The following EPCAM variants were observed in gnomAD, a reference collection of about 807,000 sequenced individuals.
EPCAM encodes adenocarcinoma-associated antigen.
EPCAM carries 39 observed loss-of-function variants against 40.0 expected under a neutral mutation model. That is an observed-to-expected ratio of 0.98 (90% confidence interval 0.76 to 1.27). The LOEUF is 1.27. Among genes scored for constraint, EPCAM ranks in the 50% most tolerant of loss-of-function variants. The pLI is 0.00. For synonymous variants in EPCAM, 168 were observed against 132.3 expected, an observed-to-expected ratio of 1.27 and a Z score of -1.85; for missense variants, 503 against 381.2, an observed-to-expected ratio of 1.32 and a Z score of -2.66.
In EPCAM at chr2:47,379,604, C is replaced by T. The variant is rs191046709; in HGVS notation, c.658-165C>T. 4.8e-4 allele frequency among the ~76,000 whole-genome samples: 73 copies of T among 152,278 alleles called. No individual in the cohort carries two copies. The East Asian group carries it at 8.1e-3, about 17-fold the overall frequency. The stretch of plus-strand genomic sequence containing the variant: ...TACTTTCGTGTATGTTGAAAGGTTC[C>T]TGTAATAAACAGTTTTTTAAAGTTC... On this transcript the variant is annotated intron_variant, in intron 6 of 8. Transcript: ENST00000263735.
chr2:47,385,047 A>G, intron 7 of EPCAM, 119 bp from the exon 8 acceptor site: 1 of 796,026 alleles, frequency 1.3e-6, no homozygotes, highest in Admixed American at 1.8e-5. Context: ...TTATGGATAG[A>G]TGTTAAAATT....
At chr2:47,375,929 C>T (rs184513444) in intron 4 of EPCAM, among the ~76,000 whole-genome samples, 1 of 152,188 alleles carries the variant, frequency 6.6e-6, no homozygotes, top group African/African-American at 2.4e-5. Context: ...TGGTCTCGAA[C>T]TCCTGAACTT....
chr2:47,386,658 C>T lies in EPCAM; in HGVS notation c.*45C>T. On this transcript the variant is annotated 3_prime_UTR_variant, in exon 9 of 9. Coordinates refer to ENST00000263735, the MANE Select transcript of EPCAM (RefSeq NM_002354.3). ...TAGAAGAAGGGAAATAGCAAATGGA[C>T]ACAAATTACAAATGTGTGTGCGTGG... 7 of 1,437,490 alleles carry T rather than the reference C, an allele frequency of 4.9e-6. No individual in the cohort carries two copies. Among genetic ancestry groups the T allele is most frequent in the Non-Finnish European group, 6.9e-6 (7 of 1,020,980 alleles). 89.0% of individuals were successfully genotyped at this position (1,437,490 alleles called of 1,614,324 possible).
At position 47,373,980 on chromosome 2, in the gene EPCAM, G is replaced by C. The variant is rs2103747744; in HGVS notation, c.357G>C (p.Val119=). Residue 119 remains valine, a synonymous_variant, in exon 3 of 9, where the codon GTG becomes GTC. Coordinates refer to ENST00000263735, the MANE Select transcript of EPCAM (RefSeq NM_002354.3). ...QCNGTSMCWC[V]NTAGVRRTDK... ...ACGGCACCTCCATGTGCTGGTGTGT[G>C]AACACTGCTGGGGTCAGAAGAACAG... The C allele has an allele frequency of 6.2e-7, 1 of 1,614,154 alleles. No individual in the cohort carries two copies. The highest frequency in any genetic ancestry group is 8.5e-7 in the Non-Finnish European group (1 of 1,180,022).
chr2:47,372,197 C>T (rs1671287738), intron 1 of EPCAM, among the ~76,000 whole-genome samples: 3 of 152,030 alleles, frequency 2.0e-5, no homozygotes, highest in Non-Finnish European at 2.9e-5. Context: ...TGTAATTTTT[C>T]CAAGATATAA....
In EPCAM at chr2:47,379,969, G is replaced by A. The variant is rs138718438; in HGVS notation, c.858G>A (p.Leu286=). 655 of 1,609,524 alleles carry A rather than the reference G, an allele frequency of 4.1e-4. 4 individuals are homozygous for A. In the African/African-American group the frequency reaches 8.2e-3, roughly 20 times the overall value. The change falls in exon 7 of 9, where the codon CTG becomes CTA. Residue 286 remains leucine (L), a splice_region_variant and synonymous_variant. Coordinates refer to ENST00000263735, the MANE Select transcript of EPCAM (RefSeq NM_002354.3). ...CAGTTGTTGCTGGAATTGTTGTGCT[G>A]GTGAGTACAGAACAAGTAAAATTTC... ...VIAVVAGIVV[L]VISRKKRMAK...
chr2:47,369,358 G>A lies in EPCAM; in HGVS notation c.-148G>A. On this transcript the variant is annotated 5_prime_UTR_variant, in exon 1 of 9. Coordinates refer to ENST00000263735, the MANE Select transcript of EPCAM (RefSeq NM_002354.3). ...AGCGAGCACCTTCGACGCGGTCCGG[G>A]GACCCCCTCGTCGCTGTCCTCCCGA... 2 of 1,214,102 alleles carry A rather than the reference G, an allele frequency of 1.6e-6. No homozygotes were observed. The highest frequency in any genetic ancestry group is 1.1e-6 in the Non-Finnish European group (1 of 928,262). 75.2% of individuals were successfully genotyped at this position (1,214,102 alleles called of 1,614,324 possible).
chr2:47,386,233 C>T (rs1671739407), intron 8 of EPCAM, among the ~76,000 whole-genome samples: 1 of 152,108 alleles, frequency 6.6e-6, no homozygotes, highest in Non-Finnish European at 1.5e-5. Context: ...AGTTTCCCCA[C>T]ATGTAAAATG....
chr2:47,378,885 T>C (rs1469876732), intron 5 of EPCAM, 68 bp from the exon 6 acceptor site: 1 of 779,842 alleles, frequency 1.3e-6, no homozygotes, highest in Non-Finnish European at 2.3e-6. Context: ...TGATTCTCAA[T>C]TAATGTTATT....
At chr2:47,369,739 C>G (rs1471394107) in intron 1 of EPCAM, 158 bp downstream of exon 1, 8 of 812,742 alleles carry the variant, frequency 9.8e-6, no homozygotes, top group Non-Finnish European at 1.7e-5. Flanking sequence ...CCGGCTCAGG[C>G]CCTCCGCGCG....
intron 2 of EPCAM, 24 bp downstream of exon 2, chr2:47,373,594 T>G: frequency 6.4e-7 from 1 of 1,557,318 alleles, no homozygotes; most frequent in Non-Finnish European, 8.9e-7. Context: ...CCTAATTACC[T>G]GTAAGCTTTA....
intron 8 of EPCAM, among the ~76,000 whole-genome samples, 169 bp downstream of exon 8, chr2:47,385,379 C>G (rs956302417): frequency 6.6e-6 from 1 of 152,078 alleles, no homozygotes; most frequent in African/African-American, 2.4e-5. Context: ...AATATTCTTG[C>G]GTGAGTTCCA....
At chr2:47,373,596 T>G (rs753148360) in intron 2 of EPCAM, 26 bp downstream of exon 2, 3 of 1,553,018 alleles carry the variant, frequency 1.9e-6, no homozygotes, top group Admixed American at 1.7e-5. Flanking sequence ...TAATTACCTG[T>G]AAGCTTTATT....
chr2:47,377,961 G>A (rs1439173694), intron 5 of EPCAM, among the ~76,000 whole-genome samples: 2 of 152,000 alleles, frequency 1.3e-5, no homozygotes, highest in African/African-American at 2.4e-5. Flanking sequence ...GGCCGGGCAC[G>A]GTGGCTCACG....
At chr2:47,378,299 CTTTTTT>C (rs70940676) in intron 5 of EPCAM, among the ~76,000 whole-genome samples, 3 of 118,684 alleles carry the variant, frequency 2.5e-5, no homozygotes, top group East Asian at 2.6e-4. Context: ...TTTTTCTTTT[CTTTTTT>C]TTTTTTTTTT....
chr2:47,369,322 G>C lies in EPCAM; in HGVS notation c.-184G>C. 7.5e-7 allele frequency: 1 copy of C among 1,342,202 alleles called. No homozygotes were observed. The highest frequency in any genetic ancestry group is 9.7e-7 in the Non-Finnish European group (1 of 1,030,572). 83.1% of individuals were successfully genotyped at this position (1,342,202 alleles called of 1,614,324 possible). ...GCCCCGCCGCGCGCACAGAGCGCTA[G>C]TCCTTCGGCGAGCGAGCACCTTCGA... On this transcript the variant is annotated 5_prime_UTR_variant, in exon 1 of 9. Transcript: ENST00000263735.
At chr2:47,384,170 C>G (rs764523707) in intron 7 of EPCAM, among the ~76,000 whole-genome samples, 1 of 151,538 alleles carries the variant, frequency 6.6e-6, no homozygotes, top group Non-Finnish European at 1.5e-5. Flanking sequence ...GGTGCATGAT[C>G]TTGGCTCACT....
At chr2:47,371,537 C>A (rs899904827) in intron 1 of EPCAM, among the ~76,000 whole-genome samples, 1 of 152,186 alleles carries the variant, frequency 6.6e-6, no homozygotes, top group Non-Finnish European at 1.5e-5. Context: ...AGTAATTATA[C>A]TCTCAAAGTA....
Position 47,374,845 on chromosome 2 carries a change from C to T in EPCAM, c.426-389C>T, listed in dbSNP as rs537236430. Reference sequence around the variant, plus strand: ...TAGAGATGGGGTTTCACCATGTTGGCCAGGCTGGTCTCCAACTCCTGACCT... The same window carrying T: ...TAGAGATGGGGTTTCACCATGTTGGTCAGGCTGGTCTCCAACTCCTGACCT... On this transcript the variant is annotated intron_variant, in intron 3 of 8. Coordinates refer to ENST00000263735, the MANE Select transcript of EPCAM (RefSeq NM_002354.3). Among the ~76,000 whole-genome samples, 16 of 152,176 alleles carry T rather than the reference C, an allele frequency of 1.1e-4. No individual in the cohort carries two copies. In the South Asian group the frequency reaches 3.1e-3, roughly 30 times the overall value.
Sources: allele counts gnomAD v4.1 joint callset (sites outside exome capture counted in the v4.1 genomes callset), GRCh38; gene constraint gnomAD v4.1.1; transcripts MANE v1.5; gene names NCBI Gene and HGNC (gene_info 2026-07-23, HGNC 2026-07-21).